The following VTCN1 variants were observed in gnomAD, a reference collection of about 807,000 sequenced individuals.
VTCN1 encodes the protein V-set domain containing T cell activation inhibitor 1, also known as V-set domain-containing T-cell activation inhibitor 1.
A neutral mutation model predicts 26.5 loss-of-function variants in VTCN1; 26 were observed. That is an observed-to-expected ratio of 0.98 (90% CI 0.72 to 1.36). The LOEUF is 1.36. Among genes scored for constraint, VTCN1 ranks in the 40% most tolerant of loss-of-function variants. The pLI, the probability that VTCN1 is intolerant of heterozygous loss-of-function variation, is 0.00. For missense variants in VTCN1, 298 were observed against 337.7 expected (o/e 0.88, Z 0.92); for synonymous variants, 116 against 130.7 (o/e 0.89, Z 0.77).
intron 1 of VTCN1, among the ~76,000 whole-genome samples, chr1:117,190,773 T>C (rs1160242540): frequency 1.3e-5 from 2 of 152,192 alleles, no homozygotes; most frequent in African/African-American, 4.8e-5. Context: ...CAGGCAAATG[T>C]CCTTACCTGC....
intron 1 of VTCN1, among the ~76,000 whole-genome samples, chr1:117,178,771 T>C (rs1227416954): frequency 2.0e-5 from 3 of 151,848 alleles, no homozygotes; most frequent in Non-Finnish European, 4.4e-5. Context: ...TTTTATTTCA[T>C]GTAGAGACAG....
chr1:117,185,767 A>C (rs934460367), intron 1 of VTCN1, among the ~76,000 whole-genome samples: 1 of 152,002 alleles, frequency 6.6e-6, no homozygotes, highest in Non-Finnish European at 1.5e-5. Context: ...TATTGATAGT[A>C]ACTCTTTCAA....
chr1:117,176,982 C>T (rs1298438691), intron 1 of VTCN1, among the ~76,000 whole-genome samples: 4 of 152,072 alleles, frequency 2.6e-5, no homozygotes, highest in Non-Finnish European at 5.9e-5. Flanking sequence ...ATGCGTAGTC[C>T]CAGCTACTCG....
chr1:117,150,340 A>C (rs1251154275), intron 4 of VTCN1, among the ~76,000 whole-genome samples: 3 of 152,242 alleles, frequency 2.0e-5, no homozygotes, highest in Non-Finnish European at 4.4e-5. Context: ...AAAACAAGAG[A>C]GTAAAGAGAG....
chr1:117,156,142 A>C (rs1570942400), intron 3 of VTCN1, among the ~76,000 whole-genome samples: 1 of 152,176 alleles, frequency 6.6e-6, no homozygotes, highest in Admixed American at 6.6e-5. Context: ...TTATAGGACA[A>C]TGTTGTTTTC....
At chr1:117,166,156 C>T (rs752893329) in intron 2 of VTCN1, among the ~76,000 whole-genome samples, 30 of 152,164 alleles carry the variant, frequency 2.0e-4, no homozygotes, top group Non-Finnish European at 3.7e-4. Flanking sequence ...TACGGAGCAC[C>T]CTGTGCATTC....
intron 1 of VTCN1, among the ~76,000 whole-genome samples, chr1:117,187,309 C>CAA (rs11415949): frequency 0.045 from 3,232 of 71,976 alleles, 133 homozygotes; most frequent in Middle Eastern, 0.057. Flanking sequence ...GACCTTGTCT[C>CAA]AAAAAAAAAA....
intron 1 of VTCN1, among the ~76,000 whole-genome samples, chr1:117,200,272 T>A (rs1433279501): frequency 1.3e-5 from 2 of 152,098 alleles, no homozygotes; most frequent in Middle Eastern, 3.4e-3. Context: ...TGGTGGTGAG[T>A]ACCTGTAATC....
chr1:117,160,486 C>T (rs556534632), intron 2 of VTCN1, among the ~76,000 whole-genome samples: 52 of 152,326 alleles, frequency 3.4e-4, no homozygotes, highest in African/African-American at 1.2e-3. Context: ...TTTCTAATCA[C>T]TCATCTTTAA....
chr1:117,204,181 T>A (rs1477572874), intron 1 of VTCN1, among the ~76,000 whole-genome samples: 1 of 152,192 alleles, frequency 6.6e-6, no homozygotes, highest in Non-Finnish European at 1.5e-5. Flanking sequence ...GAGGGAATAA[T>A]TTGAGACTAA....
intron 1 of VTCN1, among the ~76,000 whole-genome samples, chr1:117,201,671 A>G (rs1648794821): frequency 6.6e-6 from 1 of 152,224 alleles, no homozygotes; most frequent in Admixed American, 6.5e-5. Context: ...GGTGAAGGTG[A>G]CCACTGTGGG....
At chr1:117,184,627 A>T (rs757076172) in intron 1 of VTCN1, among the ~76,000 whole-genome samples, 1 of 152,128 alleles carries the variant, frequency 6.6e-6, no homozygotes, top group Non-Finnish European at 1.5e-5. Flanking sequence ...TTCAGGGAAG[A>T]ATATTTAAAG....
intron 4 of VTCN1, among the ~76,000 whole-genome samples, chr1:117,149,677 T>C (rs978645895): frequency 3.9e-5 from 6 of 152,244 alleles, no homozygotes; most frequent in African/African-American, 1.4e-4. Context: ...TTGATACTTA[T>C]GCTATTCATT....
At chr1:117,190,616 C>T (rs1004579253) in intron 1 of VTCN1, among the ~76,000 whole-genome samples, 1 of 152,180 alleles carries the variant, frequency 6.6e-6, no homozygotes, top group Non-Finnish European at 1.5e-5. Context: ...TAGGACTCCT[C>T]CAGACAGGAT....
At chr1:117,180,211 A>G (rs560461328) in intron 1 of VTCN1, among the ~76,000 whole-genome samples, 2 of 150,358 alleles carry the variant, frequency 1.3e-5, no homozygotes, top group African/African-American at 2.5e-5. Flanking sequence ...GTTAACAAAT[A>G]GACACCTTTC....
intron 1 of VTCN1, among the ~76,000 whole-genome samples, chr1:117,206,162 T>G (rs956108456): frequency 1.4e-5 from 2 of 146,072 alleles, no homozygotes; most frequent in African/African-American, 5.1e-5. Flanking sequence ...TTTTTTTTTT[T>G]GTAGAATAAG....
At chr1:117,194,664 T>G (rs1201117357) in intron 1 of VTCN1, among the ~76,000 whole-genome samples, 2 of 152,238 alleles carry the variant, frequency 1.3e-5, no homozygotes, top group African/African-American at 4.8e-5. Flanking sequence ...TGTCCCATAT[T>G]TACAATGAAA....
At chr1:117,206,896 A>G (rs1649099473) in intron 1 of VTCN1, among the ~76,000 whole-genome samples, 1 of 152,164 alleles carries the variant, frequency 6.6e-6, no homozygotes, top group African/African-American at 2.4e-5. Context: ...TGTACAATTT[A>G]TCTCATTTTG....
chr1:117,148,137 G>A (rs1651611468), intron 4 of VTCN1, among the ~76,000 whole-genome samples: 3 of 152,318 alleles, frequency 2.0e-5, no homozygotes, highest in Middle Eastern at 3.4e-3. Flanking sequence ...CAGGATCCAC[G>A]TCATTACATT....
Sources: allele counts gnomAD v4.1 joint callset (sites outside exome capture counted in the v4.1 genomes callset), GRCh38; gene constraint gnomAD v4.1.1; transcripts MANE v1.5; gene names NCBI Gene and HGNC (gene_info 2026-07-23, HGNC 2026-07-21).